RSBN1L: variants seen among roughly 807,000 people sequenced by gnomAD.
The protein encoded by RSBN1L is round spermatid basic protein 1 like.
In RSBN1L, 30 loss-of-function variants were observed where a neutral mutation model predicts 67.7. That is an observed-to-expected ratio of 0.44 (90% CI 0.33 to 0.60). The LOEUF (loss-of-function observed/expected upper bound fraction) is 0.60. Among genes scored for constraint, RSBN1L ranks in the 20% least tolerant of loss-of-function variants. The pLI, the probability that RSBN1L is intolerant of heterozygous loss-of-function variation, is 0.02. For missense variants in RSBN1L, 992 were observed against 1,031.7 expected (o/e 0.96, Z 0.53); for synonymous variants, 433 against 387.0 (o/e 1.12, Z -1.39).
chr7:77,752,772 C>G (rs551093317), intron 3 of RSBN1L, among the ~76,000 whole-genome samples: 1 of 152,200 alleles, frequency 6.6e-6, no homozygotes, highest in Non-Finnish European at 1.5e-5. Flanking sequence ...AAACCATCCC[C>G]GAACCCTTCT....
At chr7:77,739,132 A>G (rs1376316362) in intron 2 of RSBN1L, among the ~76,000 whole-genome samples, 1 of 152,186 alleles carries the variant, frequency 6.6e-6, no homozygotes, top group Non-Finnish European at 1.5e-5. Flanking sequence ...CCATTTCCCA[A>G]GTGAGCCTGT....
At chr7:77,710,802 G>A (rs1790962059) in intron 1 of RSBN1L, among the ~76,000 whole-genome samples, 1 of 151,926 alleles carries the variant, frequency 6.6e-6, no homozygotes, top group African/African-American at 2.4e-5. Flanking sequence ...CACCATGTTG[G>A]CCTGGTTGGT....
At chr7:77,772,685 C>G (rs542788307) in intron 5 of RSBN1L, among the ~76,000 whole-genome samples, 1 of 152,296 alleles carries the variant, frequency 6.6e-6, no homozygotes, top group Non-Finnish European at 1.5e-5. Context: ...AGAGTGGGGT[C>G]CTCTTCTGTC....
chr7:77,724,481 A>T (rs149102183), intron 1 of RSBN1L, among the ~76,000 whole-genome samples: 1 of 146,768 alleles, frequency 6.8e-6, no homozygotes, highest in Admixed American at 7.0e-5. Context: ...GTGGGAGTAC[A>T]CTGGTGCGCT....
chr7:77,717,636 A>G (rs1791065224), intron 1 of RSBN1L, among the ~76,000 whole-genome samples: 1 of 152,210 alleles, frequency 6.6e-6, no homozygotes, highest in Non-Finnish European at 1.5e-5. Flanking sequence ...GTAGCAGGAT[A>G]CTTATAATAT....
chr7:77,775,764 T>C (rs1163467970), intron 6 of RSBN1L, among the ~76,000 whole-genome samples: 1 of 152,172 alleles, frequency 6.6e-6, no homozygotes, highest in Non-Finnish European at 1.5e-5. Flanking sequence ...CTTTAAAAAA[T>C]GTGTATTTTG....
At chr7:77,771,066 C>T (rs576357926) in intron 5 of RSBN1L, among the ~76,000 whole-genome samples, 5 of 151,990 alleles carry the variant, frequency 3.3e-5, no homozygotes, top group Admixed American at 6.5e-5. Flanking sequence ...CTCAGCCTCC[C>T]GAGTAGCTGG....
intron 2 of RSBN1L, among the ~76,000 whole-genome samples, chr7:77,748,536 G>A (rs59363162): frequency 0.1 from 15,405 of 151,990 alleles, 1,096 homozygotes; most frequent in African/African-American, 0.19. Flanking sequence ...CACCCAGGCT[G>A]GAGTGCAGTG....
intron 1 of RSBN1L, among the ~76,000 whole-genome samples, chr7:77,702,132 A>C (rs1045441426): frequency 4.0e-5 from 6 of 150,972 alleles, no homozygotes; most frequent in Non-Finnish European, 5.9e-5. Flanking sequence ...CACCCAGCTA[A>C]TTTTTTGTAT....
chr7:77,761,012 A>G (rs981353812), intron 3 of RSBN1L, among the ~76,000 whole-genome samples: 1 of 152,228 alleles, frequency 6.6e-6, no homozygotes, highest in Non-Finnish European at 1.5e-5. Context: ...ATTAATGTTT[A>G]CTGGAGTGAA....
intron 5 of RSBN1L, among the ~76,000 whole-genome samples, chr7:77,769,582 G>A (rs973853370): frequency 1.3e-5 from 2 of 152,178 alleles, no homozygotes; most frequent in Admixed American, 6.5e-5. Context: ...ACCAAACAAT[G>A]CAGTGGCAAT....
intron 1 of RSBN1L, among the ~76,000 whole-genome samples, chr7:77,725,244 C>CCTTTTTTTTTTTTTTTTTT (rs1791182989): frequency 1.4e-5 from 1 of 73,660 alleles, no homozygotes; most frequent in East Asian, 3.5e-4. Flanking sequence ...AAGCCCCCCA[C>CCTTTTTTTTTTTTTTTTTT]TTTTTTTTTT....
intron 1 of RSBN1L, among the ~76,000 whole-genome samples, chr7:77,729,005 C>G (rs945904002): frequency 6.6e-6 from 1 of 152,072 alleles, no homozygotes; most frequent in African/African-American, 2.4e-5. Flanking sequence ...GATGATGCCA[C>G]TGTCCTTATT....
intron 5 of RSBN1L, among the ~76,000 whole-genome samples, chr7:77,770,649 C>G (rs563905400): frequency 2.6e-5 from 4 of 152,074 alleles, no homozygotes; most frequent in African/African-American, 7.2e-5. Context: ...TCACTGCACT[C>G]CAGCCTGGGT....
rs533093286 is a variant in RSBN1L, at chr7:77,741,646, C to T, written c.703+5120C>T. Among the ~76,000 whole-genome samples, 42 of 148,900 alleles carry T rather than the reference C, an allele frequency of 2.8e-4. 1 individual carries two copies. Among genetic ancestry groups the T allele is most frequent in the African/African-American group, 1.0e-3 (41 of 40,152 alleles). ...GGTGGAGCTTGCAGTGAGCCAAGAT[C>T]GTGCCACTGCACTCCAACCTGAGTG... On this transcript the variant is annotated intron_variant, in intron 2 of 7. Coordinates refer to ENST00000334955, the MANE Select transcript of RSBN1L (RefSeq NM_198467.3).
In RSBN1L at chr7:77,756,370, T is replaced by C. The variant is rs566165645; in HGVS notation, c.1344+6306T>C. The stretch of plus-strand genomic sequence containing the variant: ...CTGGTCTTGAACTCCTGACTTCAGG[T>C]GATCTACCTGCCTCGGCCTCCCAAA... On this transcript the variant is annotated intron_variant, in intron 3 of 7. Coordinates refer to ENST00000334955, the MANE Select transcript of RSBN1L (RefSeq NM_198467.3). Among the ~76,000 whole-genome samples the C allele has an allele frequency of 2.0e-5, 3 of 152,196 alleles. No individual in the cohort carries two copies. In the East Asian group the frequency reaches 5.8e-4, roughly 30 times the overall value.
intron 2 of RSBN1L, among the ~76,000 whole-genome samples, chr7:77,746,688 T>C (rs6465794): frequency 0.58 from 87,482 of 152,084 alleles, 27,045 homozygotes; most frequent in African/African-American, 0.81. Context: ...CAAGTCTCTT[T>C]CACCTATGAG....
chr7:77,732,012 A>T (rs542416517), intron 1 of RSBN1L, among the ~76,000 whole-genome samples: 3 of 152,290 alleles, frequency 2.0e-5, no homozygotes, highest in Non-Finnish European at 4.4e-5. Flanking sequence ...ATACATTGTC[A>T]TGATTTCTCT....
intron 1 of RSBN1L, among the ~76,000 whole-genome samples, chr7:77,724,545 C>A (rs1217926130): frequency 6.6e-6 from 1 of 151,474 alleles, no homozygotes; most frequent in Non-Finnish European, 1.5e-5. Context: ...CCTGCCTCAG[C>A]CTCCTGAGTA....
Sources: allele counts gnomAD v4.1 joint callset (sites outside exome capture counted in the v4.1 genomes callset), GRCh38; gene constraint gnomAD v4.1.1; transcripts MANE v1.5; gene names NCBI Gene and HGNC (gene_info 2026-07-23, HGNC 2026-07-21).